MINDY3: variants seen among roughly 807,000 people sequenced by gnomAD.
MINDY3 encodes ubiquitin carboxyl-terminal hydrolase MINDY-3.
Under a neutral mutation model 69.2 loss-of-function variants are expected in MINDY3, and 38 were observed. That is an observed-to-expected ratio of 0.55 (90% CI 0.42 to 0.72). The LOEUF (loss-of-function observed/expected upper bound fraction) is 0.72. Ranked by LOEUF, MINDY3 falls within the 30% of genes least tolerant of loss-of-function variation. The pLI, the probability that MINDY3 is intolerant of heterozygous loss-of-function variation, is 0.00. For missense variants in MINDY3, 522 were observed against 519.0 expected (o/e 1.01, Z -0.06); for synonymous variants, 192 against 180.1 (o/e 1.07, Z -0.53).
At chr10:15,781,531 C>A (rs1027208597) in intron 14 of MINDY3, among the ~76,000 whole-genome samples, 3 of 151,894 alleles carry the variant, frequency 2.0e-5, no homozygotes, top group African/African-American at 4.8e-5. Flanking sequence ...GTTGAGTACA[C>A]CTGGCAGTGA....
intron 8 of MINDY3, among the ~76,000 whole-genome samples, chr10:15,826,252 G>A (rs979724108): frequency 6.6e-6 from 1 of 152,152 alleles, no homozygotes; most frequent in Non-Finnish European, 1.5e-5. Flanking sequence ...AGAGAAACAT[G>A]ATCTCACTGA....
At chr10:15,821,576 C>G in intron 9 of MINDY3, 80 bp downstream of exon 9, 7 of 1,027,384 alleles carry the variant, frequency 6.8e-6, no homozygotes, top group Non-Finnish European at 1.0e-5. Flanking sequence ...CTCAAATGTG[C>G]TGTCAGAGGA....
At chr10:15,834,815 A>T (rs1832966833) in intron 6 of MINDY3, among the ~76,000 whole-genome samples, 199 bp from the exon 7 acceptor site, 1 of 152,062 alleles carries the variant, frequency 6.6e-6, no homozygotes, top group Admixed American at 6.6e-5. Flanking sequence ...ATTTTCTTTC[A>T]TGGGCTCTAT....
intron 12 of MINDY3, chr10:15,789,046 G>A (rs1490780232): frequency 2.4e-6 from 1 of 418,904 alleles, no homozygotes; most frequent in Admixed American, 3.8e-5. Context: ...TAATTGCTGG[G>A]TGGGAAAGGA....
At chr10:15,795,857 A>G (rs1646826030) in intron 11 of MINDY3, among the ~76,000 whole-genome samples, 2 of 152,028 alleles carry the variant, frequency 1.3e-5, no homozygotes, top group African/African-American at 4.8e-5. Flanking sequence ...TGGGGTCAAG[A>G]TTAATCAGAG....
intron 1 of MINDY3, among the ~76,000 whole-genome samples, chr10:15,857,742 T>G (rs1477150102): frequency 6.6e-6 from 1 of 152,176 alleles, no homozygotes; most frequent in Non-Finnish European, 1.5e-5. Flanking sequence ...AGAAGAGAAT[T>G]ATCTAAAAAT....
chr10:15,807,929 C>T (rs1007766365), intron 10 of MINDY3, among the ~76,000 whole-genome samples: 1 of 152,136 alleles, frequency 6.6e-6, no homozygotes, highest in Non-Finnish European at 1.5e-5. Flanking sequence ...TGAAAGATTT[C>T]TGGTCAAAAT....
At chr10:15,859,915 C>A (rs1834973701) in intron 1 of MINDY3, among the ~76,000 whole-genome samples, 1 of 152,214 alleles carries the variant, frequency 6.6e-6, no homozygotes, top group Non-Finnish European at 1.5e-5. Flanking sequence ...TTCCGTGTCA[C>A]GCCCTGCAAC....
intron 14 of MINDY3, among the ~76,000 whole-genome samples, chr10:15,780,280 A>C (rs913787131): frequency 1.2e-4 from 18 of 152,172 alleles, no homozygotes; most frequent in Admixed American, 4.6e-4. Context: ...AGAAAGTGCT[A>C]AAGATACATT....
chr10:15,841,665 A>G (rs1833480210), intron 3 of MINDY3, 66 bp from the exon 4 acceptor site: 1 of 1,033,066 alleles, frequency 9.7e-7, no homozygotes, highest in Admixed American at 2.5e-5. Context: ...TGTCATGAAT[A>G]ACAATAGTAA....
intron 9 of MINDY3, chr10:15,817,411 T>G (rs1261012927): frequency 6.5e-6 from 1 of 152,934 alleles, no homozygotes; most frequent in African/African-American, 2.4e-5. Context: ...AGTATGTAAG[T>G]GTCCTGTTAT....
At chr10:15,843,186 A>G (rs1027101699) in intron 3 of MINDY3, 26 bp downstream of exon 3, 1 of 1,595,800 alleles carries the variant, frequency 6.3e-7, no homozygotes, top group Non-Finnish European at 8.6e-7. Flanking sequence ...GGAGGAAGCA[A>G]AAGTTTTAAA....
chr10:15,796,488 CA>C (rs1249721556), intron 10 of MINDY3, among the ~76,000 whole-genome samples: 2 of 140,508 alleles, frequency 1.4e-5, no homozygotes, highest in African/African-American at 5.5e-5. Context: ...AAAAAAAAAA[CA>C]AAAAACAAAA....
Position 15,860,252 on chromosome 10 carries a change from C to T in MINDY3, c.48G>A (p.Lys16=). The T allele has an allele frequency of 6.2e-7, 1 of 1,611,066 alleles. No individual in the cohort carries two copies. Among genetic ancestry groups the T allele is most frequent in the Non-Finnish European group, 8.5e-7 (1 of 1,178,782 alleles). ...KELMELVWGT[K]SSPGLSDTIF... is the part of the protein sequence containing the mutation. ...TGGTGTCCGAGAGACCGGGGCTGCT[C>T]TTGGTGCCCCACACCAGCTCCATCA... Residue 16 remains lysine (K), a synonymous_variant, in exon 1 of 15, where the codon AAG becomes AAA. Coordinates refer to ENST00000277632, the MANE Select transcript of MINDY3 (RefSeq NM_024948.4).
intron 10 of MINDY3, among the ~76,000 whole-genome samples, chr10:15,803,711 A>T (rs1408494524): frequency 6.6e-6 from 1 of 152,108 alleles, no homozygotes; most frequent in Non-Finnish European, 1.5e-5. Context: ...GCAGTCTAAT[A>T]GAACAGAGAA....
intron 8 of MINDY3, among the ~76,000 whole-genome samples, chr10:15,822,164 A>C (rs76250424): frequency 0.031 from 4,667 of 152,296 alleles, 91 homozygotes; most frequent in Middle Eastern, 0.078. Context: ...CAGTGACTCC[A>C]CTTGCCTAAT....
At position 15,833,680 on chromosome 10, in the gene MINDY3, C is replaced by T. The variant is rs760037047; in HGVS notation, c.680G>A (p.Gly227Glu). Residue 227 changes from glycine to glutamate, a missense_variant, in exon 8 of 15, where the codon GGA (glycine) becomes GAA (glutamate). Transcript: ENST00000277632. The part of the protein sequence containing the change: ...SQSLINLLLT[G>E]HAVSNVWDGD... ...ATCCCATACATTAGAAACAGCATGTCCCGTCAGCAGGAGATTAATTAAACT... is the reference window on the plus strand; with the variant it reads ...ATCCCATACATTAGAAACAGCATGTTCCGTCAGCAGGAGATTAATTAAACT... The T allele has an allele frequency of 2.5e-6, 4 of 1,610,878 alleles. No individual in the cohort carries two copies. Among genetic ancestry groups the T allele is most frequent in the Non-Finnish European group, 2.5e-6 (3 of 1,177,570 alleles).
intron 8 of MINDY3, among the ~76,000 whole-genome samples, chr10:15,825,687 A>G (rs1840039941): frequency 6.6e-6 from 1 of 152,220 alleles, no homozygotes; most frequent in Non-Finnish European, 1.5e-5. Context: ...TATAATTGAC[A>G]AATTAAAGTT....
chr10:15,848,565 C>T (rs527912076), intron 1 of MINDY3, among the ~76,000 whole-genome samples: 1 of 127,552 alleles, frequency 7.8e-6, no homozygotes, highest in East Asian at 2.8e-4. Flanking sequence ...ACCTAGCAGG[C>T]GGAGCTTGCA....
Sources: allele counts gnomAD v4.1 joint callset (sites outside exome capture counted in the v4.1 genomes callset), GRCh38; gene constraint gnomAD v4.1.1; transcripts MANE v1.5; gene names NCBI Gene and HGNC (gene_info 2026-07-23, HGNC 2026-07-21).